The following ACOXL variants were observed in gnomAD, a reference collection of about 807,000 sequenced individuals.
ACOXL encodes the protein acyl-CoA oxidase like.
ACOXL carries 70 observed loss-of-function variants against 71.9 expected under a neutral mutation model. The ratio of observed to expected loss-of-function variants is 0.97; its 90% CI spans 0.80 to 1.19. ACOXL has a LOEUF of 1.19. Ranked by LOEUF, ACOXL falls within the 50% of genes most tolerant of loss-of-function variation. The pLI, the probability that ACOXL is intolerant of heterozygous loss-of-function variation, is 0.00. For missense variants in ACOXL, 703 were observed against 736.3 expected (o/e 0.95, Z 0.52); for synonymous variants, 253 against 281.6 (o/e 0.90, Z 1.02).
chr2:111,043,670 G>C (rs1012677408), intron 15 of ACOXL, among the ~76,000 whole-genome samples: 1 of 152,190 alleles, frequency 6.6e-6, no homozygotes, highest in African/African-American at 2.4e-5. Flanking sequence ...GTGAGGAGAC[G>C]TGGGGCCCTC....
intron 11 of ACOXL, among the ~76,000 whole-genome samples, chr2:110,922,727 C>T (rs1387113307): frequency 6.6e-6 from 1 of 152,098 alleles, no homozygotes; most frequent in Admixed American, 6.6e-5. Flanking sequence ...CTCCAGGTAC[C>T]TGTATCAGAG....
chr2:110,976,327 C>T (rs1372977887), intron 12 of ACOXL, among the ~76,000 whole-genome samples: 1 of 152,202 alleles, frequency 6.6e-6, no homozygotes, highest in African/African-American at 2.4e-5. Flanking sequence ...CCAGCAATCT[C>T]TTAGGTGATA....
At chr2:110,811,570 A>C (rs1687317462) in intron 9 of ACOXL, among the ~76,000 whole-genome samples, 1 of 152,142 alleles carries the variant, frequency 6.6e-6, no homozygotes, top group African/African-American at 2.4e-5. Flanking sequence ...GGCCTTACTC[A>C]TCTGCTCAGA....
At chr2:110,885,912 A>G (rs1337202687) in intron 10 of ACOXL, among the ~76,000 whole-genome samples, 3 of 152,280 alleles carry the variant, frequency 2.0e-5, no homozygotes, top group Non-Finnish European at 2.9e-5. Context: ...AGAAATATGT[A>G]TGTTATTATT....
In ACOXL at chr2:110,886,890, C is replaced by G. The variant is rs570283941; in HGVS notation, c.789-21899C>G. 36 of 1,547,040 alleles carry G rather than the reference C, an allele frequency of 2.3e-5. No homozygotes were observed. In the African/African-American group the frequency reaches 3.6e-4, roughly 15 times the overall value. On this transcript the variant is annotated intron_variant, in intron 10 of 17. Transcript: ENST00000439055. The stretch of plus-strand genomic sequence containing the variant: ...AACTGGTTTTTGCTAACGTTTCTTA[C>G]GCTTGCTCGTGAAATCAGCCACTTA...
chr2:110,981,393 C>T (rs901384603), intron 12 of ACOXL, among the ~76,000 whole-genome samples: 3 of 152,174 alleles, frequency 2.0e-5, no homozygotes, highest in Non-Finnish European at 4.4e-5. Flanking sequence ...CCAGCCCCAC[C>T]GCTTCCTGGC....
intron 5 of ACOXL, among the ~76,000 whole-genome samples, chr2:110,794,641 C>T (rs745370016): frequency 3.3e-5 from 5 of 152,138 alleles, no homozygotes; most frequent in East Asian, 1.9e-4. Flanking sequence ...TGTCCCTTAC[C>T]GTGACCTGCA....
At chr2:110,930,666 G>A (rs1174281247) in intron 11 of ACOXL, among the ~76,000 whole-genome samples, 1 of 152,158 alleles carries the variant, frequency 6.6e-6, no homozygotes, top group East Asian at 1.9e-4. Context: ...TCCATGTGTT[G>A]TGGGAAGGAC....
chr2:110,883,111 T>TTTG (rs1054053485), intron 10 of ACOXL, among the ~76,000 whole-genome samples: 1 of 145,552 alleles, frequency 6.9e-6, no homozygotes, highest in African/African-American at 2.5e-5. Flanking sequence ...TCACTGGTTT[T>TTTG]TTTTTTTTTT....
At chr2:110,791,961 C>T (rs1559266539) in intron 3 of ACOXL, among the ~76,000 whole-genome samples, 1 of 152,192 alleles carries the variant, frequency 6.6e-6, no homozygotes, top group Non-Finnish European at 1.5e-5. Flanking sequence ...AACTCTGCCT[C>T]CTTCCCCCAA....
intron 11 of ACOXL, among the ~76,000 whole-genome samples, chr2:110,930,634 C>A (rs556169858): frequency 6.6e-6 from 1 of 152,342 alleles, no homozygotes; most frequent in South Asian, 2.1e-4. Flanking sequence ...CAAATCTCAT[C>A]TTGCATTGTA....
chr2:110,778,058 T>C (rs1427148438), intron 2 of ACOXL, among the ~76,000 whole-genome samples: 2 of 152,246 alleles, frequency 1.3e-5, no homozygotes. Flanking sequence ...AGCATTCATG[T>C]TGGCAGCAGC....
chr2:110,845,024 G>T (rs35105445), intron 10 of ACOXL, among the ~76,000 whole-genome samples: 27,711 of 152,142 alleles, frequency 0.18, 2,689 homozygotes, highest in South Asian at 0.31. Context: ...TTCCTGTGTG[G>T]TGAAATATGC....
chr2:110,971,806 AT>A (rs2062201806), intron 12 of ACOXL, among the ~76,000 whole-genome samples: 1 of 152,200 alleles, frequency 6.6e-6, no homozygotes, highest in African/African-American at 2.4e-5. Flanking sequence ...TAAATGTCGT[AT>A]CAAAAAATCT....
chr2:110,966,598 G>C (rs556928958), intron 12 of ACOXL, among the ~76,000 whole-genome samples: 1 of 152,248 alleles, frequency 6.6e-6, no homozygotes, highest in Non-Finnish European at 1.5e-5. Context: ...TTAGTGGGGA[G>C]CTGAGCCTCT....
chr2:111,060,228 T>C (rs71431137), intron 16 of ACOXL, among the ~76,000 whole-genome samples: 15,993 of 152,112 alleles, frequency 0.11, 890 homozygotes, highest in African/African-American at 0.12. Flanking sequence ...CTTCTTCCTC[T>C]ACCCAGCAAT....
chr2:110,917,785 G>C (rs1323309584), intron 11 of ACOXL, among the ~76,000 whole-genome samples: 2 of 152,160 alleles, frequency 1.3e-5, no homozygotes, highest in African/African-American at 4.8e-5. Flanking sequence ...ACCAAATCAT[G>C]AGTGAACTCC....
chr2:110,907,768 A>G (rs2059509293), intron 10 of ACOXL, among the ~76,000 whole-genome samples: 1 of 152,236 alleles, frequency 6.6e-6, no homozygotes, highest in Non-Finnish European at 1.5e-5. Flanking sequence ...CACTAAAAAG[A>G]TTATGATGCC....
At chr2:110,958,390 C>T (rs2061581032) in intron 12 of ACOXL, among the ~76,000 whole-genome samples, 1 of 152,156 alleles carries the variant, frequency 6.6e-6, no homozygotes, top group Non-Finnish European at 1.5e-5. Context: ...TGGAATGGTC[C>T]CTGACAACTG....
Sources: gnomAD v4.1 joint callset for allele counts (sites outside exome capture counted in the v4.1 genomes callset) on GRCh38, gnomAD v4.1.1 for gene constraint, MANE v1.5 for transcripts, NCBI Gene and HGNC (gene_info 2026-07-23, HGNC 2026-07-21) for gene names.